Variants in SEC24B observed in about 807,000 individuals in gnomAD.
SEC24B encodes protein transport protein Sec24B.
A neutral mutation model predicts 142.8 loss-of-function variants in SEC24B; 45 were observed. That is an observed-to-expected ratio of 0.32 (90% CI 0.25 to 0.40). SEC24B has a LOEUF of 0.40. SEC24B is among the 10% of genes least tolerant of loss of function. SEC24B has a pLI of 1.00. For missense variants in SEC24B, 1,409 were observed against 1,526.8 expected (o/e 0.92, Z 1.29); for synonymous variants, 574 against 568.2 (o/e 1.01, Z -0.15).
intron 22 of SEC24B, among the ~76,000 whole-genome samples, chr4:109,536,590 C>T (rs980476278): frequency 2.0e-5 from 3 of 152,204 alleles, no homozygotes; most frequent in Non-Finnish European, 4.4e-5. Context: ...AGTGCAGTGG[C>T]GCAATCTTGG....
At chr4:109,501,104 C>T (rs1736086752) in intron 6 of SEC24B, among the ~76,000 whole-genome samples, 1 of 152,244 alleles carries the variant, frequency 6.6e-6, no homozygotes, top group South Asian at 2.1e-4. Flanking sequence ...AAGCTCCATT[C>T]ATACTAGGTG....
chr4:109,483,120 C>T (rs1399907764), intron 4 of SEC24B, among the ~76,000 whole-genome samples: 1 of 143,274 alleles, frequency 7.0e-6, no homozygotes, highest in Non-Finnish European at 1.5e-5. Context: ...TGCTCTGTTG[C>T]CCAGGCTGGA....
intron 2 of SEC24B, among the ~76,000 whole-genome samples, chr4:109,466,147 G>A (rs1446341677): frequency 2.0e-5 from 3 of 152,024 alleles, no homozygotes; most frequent in East Asian, 1.9e-4. Context: ...TATTTTTCAA[G>A]TGCCCCATGT....
intron 2 of SEC24B, among the ~76,000 whole-genome samples, chr4:109,471,914 G>A (rs1251375731): frequency 7.2e-5 from 11 of 152,116 alleles, no homozygotes; most frequent in Admixed American, 7.2e-4. Context: ...CTGATTCAAA[G>A]GGTGGTAAAA....
intron 4 of SEC24B, among the ~76,000 whole-genome samples, chr4:109,482,967 T>C (rs1301033880): frequency 0.064 from 3,789 of 59,062 alleles, 570 homozygotes; most frequent in African/African-American, 0.4. Flanking sequence ...TATATATATA[T>C]ATATATATAT....
At chr4:109,453,842 G>A (rs1228754238) in intron 1 of SEC24B, among the ~76,000 whole-genome samples, 2 of 152,122 alleles carry the variant, frequency 1.3e-5, no homozygotes, top group East Asian at 3.9e-4. Flanking sequence ...GCTTCAGCAG[G>A]TCCTGCCGTT....
At chr4:109,517,642 A>G (rs997822645) in intron 11 of SEC24B, among the ~76,000 whole-genome samples, 3 of 152,230 alleles carry the variant, frequency 2.0e-5, no homozygotes, top group Non-Finnish European at 4.4e-5. Context: ...GCATATATTC[A>G]TTAGCTAGAT....
intron 4 of SEC24B, among the ~76,000 whole-genome samples, chr4:109,488,226 C>G (rs1317350890): frequency 6.6e-6 from 1 of 151,988 alleles, no homozygotes; most frequent in Non-Finnish European, 1.5e-5. Context: ...TTTTCTTCAC[C>G]CCAAAATAGA....
intron 1 of SEC24B, among the ~76,000 whole-genome samples, chr4:109,455,897 G>A (rs1487666035): frequency 6.6e-6 from 1 of 151,828 alleles, no homozygotes; most frequent in Non-Finnish European, 1.5e-5. Flanking sequence ...TTTAGAATCC[G>A]CTTGTTGATA....
chr4:109,442,922 TG>T (rs1320827853), intron 1 of SEC24B, among the ~76,000 whole-genome samples: 3 of 152,212 alleles, frequency 2.0e-5, no homozygotes, highest in Admixed American at 6.5e-5. Context: ...TTATGTCAAA[TG>T]TTTTTTTCCC....
intron 1 of SEC24B, among the ~76,000 whole-genome samples, chr4:109,459,941 GACA>G (rs745310524): frequency 1.4e-4 from 21 of 152,074 alleles, no homozygotes; most frequent in East Asian, 9.6e-4. Context: ...GAGAAAGGAG[GACA>G]ACATTTTACT....
chr4:109,488,154 G>C (rs548154534), intron 4 of SEC24B, among the ~76,000 whole-genome samples: 1 of 152,140 alleles, frequency 6.6e-6, no homozygotes, highest in South Asian at 2.1e-4. Context: ...AAGTTGTGCT[G>C]TTCTGCAGTT....
intron 22 of SEC24B, 48 bp from the exon 23 acceptor site, chr4:109,538,445 T>A: frequency 1.6e-6 from 2 of 1,286,124 alleles, no homozygotes; most frequent in Non-Finnish European, 2.3e-6. Context: ...CTATTACTGC[T>A]GAAGTCTATG....
chr4:109,496,625 A>G lies in SEC24B; in HGVS notation c.1488+1769A>G, dbSNP rs542192965. On this transcript the variant is annotated intron_variant, in intron 6 of 23. Coordinates refer to ENST00000265175, the MANE Select transcript of SEC24B (RefSeq NM_006323.5). ...GGAGTTTGAATCTTGCCTGGGTGACATACCAAGAGCCCATCTTGAGCAGGG... is the reference window on the plus strand; with the variant it reads ...GGAGTTTGAATCTTGCCTGGGTGACGTACCAAGAGCCCATCTTGAGCAGGG... 3.3e-5 allele frequency among the ~76,000 whole-genome samples: 5 copies of G among 152,334 alleles called. No homozygotes were observed. In the East Asian group the frequency reaches 9.6e-4, roughly 29 times the overall value.
intron 6 of SEC24B, among the ~76,000 whole-genome samples, chr4:109,497,256 T>C (rs1032000453): frequency 2.6e-5 from 4 of 152,244 alleles, no homozygotes; most frequent in Admixed American, 2.6e-4. Flanking sequence ...CAAAGGAGTG[T>C]AGGAAGTATT....
chr4:109,491,733 C>T (rs1449901827), intron 5 of SEC24B, among the ~76,000 whole-genome samples: 1 of 152,040 alleles, frequency 6.6e-6, no homozygotes, highest in African/African-American at 2.4e-5. Context: ...ATGCTTAGGT[C>T]TTTGAATTTG....
At chr4:109,444,214 CAAAAA>C (rs539104834) in intron 1 of SEC24B, among the ~76,000 whole-genome samples, 1 of 80,180 alleles carries the variant, frequency 1.2e-5, no homozygotes. Context: ...AACTCCATCT[CAAAAA>C]AAAAAAAAAA....
intron 14 of SEC24B, among the ~76,000 whole-genome samples, chr4:109,522,759 G>A (rs192750668): frequency 6.6e-6 from 1 of 152,262 alleles, no homozygotes; most frequent in East Asian, 1.9e-4. Context: ...GTGTGTGTGT[G>A]TATATATATG....
intron 6 of SEC24B, among the ~76,000 whole-genome samples, chr4:109,504,834 A>G (rs755091427): frequency 3.3e-5 from 5 of 152,142 alleles, no homozygotes; most frequent in Non-Finnish European, 7.4e-5. Context: ...ATTGTTAAAT[A>G]GTGATTTTTC....
Sources: gnomAD v4.1 joint callset for allele counts (sites outside exome capture counted in the v4.1 genomes callset) on GRCh38, gnomAD v4.1.1 for gene constraint, MANE v1.5 for transcripts, NCBI Gene and HGNC (gene_info 2026-07-23, HGNC 2026-07-21) for gene names.